Variants in FKBP1A observed in about 807,000 individuals in gnomAD.
FKBP1A encodes the protein FKBP prolyl isomerase 1A.
Under a neutral mutation model 14.2 loss-of-function variants are expected in FKBP1A, and 5 were observed. The observed-to-expected ratio is 0.35, with a 90% CI of 0.18 to 0.74. The LOEUF (loss-of-function observed/expected upper bound fraction) is 0.74. Among genes scored for constraint, FKBP1A ranks in the 30% least tolerant of loss-of-function variants. FKBP1A has a pLI of 0.56. For missense variants in FKBP1A, 53 were observed against 138.8 expected (o/e 0.38, Z 3.10); for synonymous variants, 42 against 49.1 (o/e 0.86, Z 0.60).
rs1281602352 is a variant in FKBP1A at position 1,392,943 on chromosome 20, G to T, written c.37+19C>A. On this transcript the variant is annotated intron_variant, in intron 1 of 4. Coordinates refer to ENST00000400137, the MANE Select transcript of FKBP1A (RefSeq NM_000801.5). ...CGCGGCGGCAGAGGTACTCCGAGCC[G>T]CCGCGCGCCACTACTCACCGTCTCC... 7.5e-6 allele frequency: 5 copies of T among 671,126 alleles called. No individual in the cohort carries two copies. The highest frequency in any genetic ancestry group is 1.1e-5 in the Non-Finnish European group (5 of 441,222). 41.6% of individuals were successfully genotyped at this position (671,126 alleles called of 1,614,324 possible).
chr20:1,375,344 C>G, intron 3 of FKBP1A, 147 bp downstream of exon 3: 1 of 631,640 alleles, frequency 1.6e-6, no homozygotes, highest in South Asian at 2.0e-5. Context: ...ACAACAGGAG[C>G]TTCTTGTGGG....
intron 2 of FKBP1A, chr20:1,377,570 G>A (rs1218117350): frequency 6.6e-6 from 1 of 152,124 alleles, no homozygotes; most frequent in Non-Finnish European, 1.5e-5. Flanking sequence ...TGAGTACCTG[G>A]GAGAAAAACA....
chr20:1,380,250 G>A (rs1268477270), intron 2 of FKBP1A, among the ~76,000 whole-genome samples: 1 of 152,130 alleles, frequency 6.6e-6, no homozygotes. Context: ...GGGACCTGGA[G>A]TGGAGCTCAA....
intron 2 of FKBP1A, among the ~76,000 whole-genome samples, chr20:1,385,575 AG>A (rs2089661703): frequency 6.6e-6 from 1 of 152,112 alleles, no homozygotes; most frequent in Non-Finnish European, 1.5e-5. Flanking sequence ...CTGACACAGC[AG>A]CCAGACCCTA....
rs2089481264 is a variant in FKBP1A, at chr20:1,372,553, T to A, written c.199-313A>T. On this transcript the variant is annotated intron_variant, in intron 3 of 4. Coordinates refer to ENST00000400137, the MANE Select transcript of FKBP1A (RefSeq NM_000801.5). ...TGCTAGGCAGGTAACATTCCAGATG[T>A]CTCACCACCTAGTCCCCTTCAGTGA... Among the ~76,000 whole-genome samples, 5 of 152,312 alleles carry A rather than the reference T, an allele frequency of 3.3e-5. No homozygotes were observed. In the South Asian group the frequency reaches 8.3e-4, roughly 25 times the overall value.
chr20:1,383,720 CCTAG>C lies in FKBP1A; in HGVS notation c.86-8121_86-8118del, dbSNP rs1312054098. The stretch of plus-strand genomic sequence containing the variant: ...AAAAAAAAATTTAGCCAGACATGGT[CCTAG>C]CTACTTGAGTGGATCAAGTGGGAGA... On this transcript the variant is annotated intron_variant, in intron 2 of 4. Transcript: ENST00000400137. Among the ~76,000 whole-genome samples the C allele has an allele frequency of 3.7e-4, 25 of 66,760 alleles. No individual in the cohort carries two copies. The Admixed American group carries it at 4.1e-3, about 11-fold the overall frequency. The allele number at this position is 66,760 out of a possible 152,430, so 43.8% of individuals were successfully genotyped here. A position where few individuals can be genotyped will look rare whatever the true frequency, so the allele number is the denominator to read the frequency against.
At chr20:1,381,042 A>G (rs1173932455) in intron 2 of FKBP1A, among the ~76,000 whole-genome samples, 1 of 152,224 alleles carries the variant, frequency 6.6e-6, no homozygotes, top group Non-Finnish European at 1.5e-5. Context: ...AATCTTTGTG[A>G]CCTCGAGTTG....
At chr20:1,384,269 C>T (rs975498507) in intron 2 of FKBP1A, among the ~76,000 whole-genome samples, 1 of 152,114 alleles carries the variant, frequency 6.6e-6, no homozygotes, top group Non-Finnish European at 1.5e-5. Context: ...AGTGTGAATA[C>T]AAACAGCGGT....
At chr20:1,389,353 G>A (rs1384026044) in intron 2 of FKBP1A, among the ~76,000 whole-genome samples, 1 of 152,218 alleles carries the variant, frequency 6.6e-6, no homozygotes, top group East Asian at 1.9e-4. Context: ...GCACACGTCA[G>A]GGGAAGCCAT....
chr20:1,371,258 G>A, intron 4 of FKBP1A: 2 of 950,682 alleles, frequency 2.1e-6, no homozygotes, highest in South Asian at 9.7e-5. Context: ...CGTGCTACTA[G>A]GATACTGAGT....
chr20:1,388,653 G>T (rs1600340275), intron 2 of FKBP1A, among the ~76,000 whole-genome samples: 1 of 152,118 alleles, frequency 6.6e-6, no homozygotes, highest in East Asian at 1.9e-4. Flanking sequence ...TGCCTGAGCT[G>T]GCACTCCACA....
chr20:1,391,510 T>C (rs564331559), intron 2 of FKBP1A: 1 of 394,052 alleles, frequency 2.5e-6, no homozygotes. Flanking sequence ...ATTTTTAAAG[T>C]TCTAGTCCTT....
intron 2 of FKBP1A, among the ~76,000 whole-genome samples, chr20:1,382,183 A>G (rs1044637245): frequency 6.6e-6 from 1 of 152,166 alleles, no homozygotes; most frequent in Non-Finnish European, 1.5e-5. Flanking sequence ...AGCTGCTCCA[A>G]TTTTAACTCT....
At chr20:1,374,866 C>T (rs980271132) in intron 3 of FKBP1A, among the ~76,000 whole-genome samples, 3 of 152,170 alleles carry the variant, frequency 2.0e-5, no homozygotes, top group Admixed American at 6.5e-5. Context: ...AATGGAGTTT[C>T]GCTCTCGTCA....
In FKBP1A at chr20:1,379,922, A is replaced by C. The variant is rs189479844; in HGVS notation, c.86-4319T>G. Among the ~76,000 whole-genome samples the C allele has an allele frequency of 6.6e-6, 1 of 152,222 alleles. No individual in the cohort carries two copies. On this transcript the variant is annotated intron_variant, in intron 2 of 4. Transcript: ENST00000400137. The surrounding 1 kb of genome is among the most constrained non-coding windows in gnomAD (Gnocchi z 4.3). ...GTTGTCAGCCTGGGGGAGAAGGTGG[A>C]AGCAGTGTTTGTTAAGCTGGAATGA...
intron 2 of FKBP1A, among the ~76,000 whole-genome samples, chr20:1,388,741 G>A (rs1288503275): frequency 3.0e-5 from 4 of 131,872 alleles, no homozygotes; most frequent in Non-Finnish European, 6.5e-5. Context: ...CAGAAGGAGC[G>A]TGGGTTGGGG....
chr20:1,378,968 T>C (rs2089587107), intron 2 of FKBP1A, among the ~76,000 whole-genome samples: 1 of 152,240 alleles, frequency 6.6e-6, no homozygotes, highest in Admixed American at 6.5e-5. Flanking sequence ...AAAATTTACA[T>C]GTAAGTTACT....
intron 2 of FKBP1A, among the ~76,000 whole-genome samples, chr20:1,385,479 T>G (rs990864568): frequency 4.6e-5 from 7 of 152,126 alleles, no homozygotes; most frequent in African/African-American, 1.7e-4. Flanking sequence ...GTTAAAGGCA[T>G]GAGTTCTGGA....
intron 4 of FKBP1A, chr20:1,370,870 G>C: frequency 1.0e-6 from 1 of 985,434 alleles, no homozygotes; most frequent in Non-Finnish European, 1.2e-6. Context: ...CCTAGGTGCA[G>C]ACCTCTGGGC....
Sources: allele counts gnomAD v4.1 joint callset (sites outside exome capture counted in the v4.1 genomes callset), GRCh38; gene constraint gnomAD v4.1.1; non-coding constraint Gnocchi (gnomAD v3.1); transcripts MANE v1.5; gene names NCBI Gene and HGNC (gene_info 2026-07-23, HGNC 2026-07-21).